SEMA3E: variants seen among roughly 807,000 people sequenced by gnomAD.
The protein encoded by SEMA3E is semaphorin 3E.
A neutral mutation model predicts 93.6 loss-of-function variants in SEMA3E; 49 were observed. That is an observed-to-expected ratio of 0.52 (90% confidence interval 0.42 to 0.66). The LOEUF (loss-of-function observed/expected upper bound fraction) is 0.66. Among genes scored for constraint, SEMA3E ranks in the 30% least tolerant of loss-of-function variants. The probability of loss-of-function intolerance (pLI) is 0.00; values close to 1 mark genes in which losing one functional copy is unlikely to be tolerated. For missense variants in SEMA3E, 906 were observed against 964.8 expected, an observed-to-expected ratio of 0.94 and a Z score of 0.81; for synonymous variants, 363 against 330.7, an observed-to-expected ratio of 1.10 and a Z score of -1.06.
intron 16 of SEMA3E, among the ~76,000 whole-genome samples, chr7:83,375,199 T>C (rs992271886): frequency 1.3e-5 from 2 of 152,018 alleles, no homozygotes; most frequent in Admixed American, 6.6e-5. Context: ...GAAGTAGAAA[T>C]TCAATACTAA....
intron 4 of SEMA3E, among the ~76,000 whole-genome samples, chr7:83,438,584 A>G (rs760770607): frequency 3.9e-5 from 6 of 152,166 alleles, no homozygotes; most frequent in Non-Finnish European, 8.8e-5. Context: ...AGTGATAAGC[A>G]TTTATTCAGT....
chr7:83,464,239 T>G (rs1184293957), intron 4 of SEMA3E, among the ~76,000 whole-genome samples: 1 of 151,506 alleles, frequency 6.6e-6, no homozygotes, highest in Non-Finnish European at 1.5e-5. Context: ...GGACAATACT[T>G]TTACCACTTT....
intron 1 of SEMA3E, among the ~76,000 whole-genome samples, chr7:83,610,687 A>T (rs778217957): frequency 1.3e-5 from 2 of 152,068 alleles, no homozygotes; most frequent in African/African-American, 2.4e-5. Context: ...GGAGATAGAG[A>T]CTTTAAAGAA....
At chr7:83,602,413 G>T (rs547641845) in intron 1 of SEMA3E, among the ~76,000 whole-genome samples, 1 of 151,802 alleles carries the variant, frequency 6.6e-6, no homozygotes, top group East Asian at 1.9e-4. Flanking sequence ...TATCTCCACG[G>T]CCCTCCCCTA....
intron 4 of SEMA3E, among the ~76,000 whole-genome samples, chr7:83,423,139 ATG>A (rs1788702106): frequency 6.6e-6 from 1 of 152,210 alleles, no homozygotes; most frequent in African/African-American, 2.4e-5. Context: ...AAACAATCAA[ATG>A]GCACCCAGAA....
chr7:83,373,777 A>C (rs1794781493), intron 16 of SEMA3E, among the ~76,000 whole-genome samples: 1 of 152,162 alleles, frequency 6.6e-6, no homozygotes, highest in Admixed American at 6.5e-5. Context: ...GAGGCAAAAG[A>C]GTTTTTCAAG....
intron 1 of SEMA3E, among the ~76,000 whole-genome samples, chr7:83,585,468 G>A (rs1025078655): frequency 5.9e-5 from 9 of 152,086 alleles, no homozygotes; most frequent in South Asian, 2.1e-4. Flanking sequence ...ATTGAATGCC[G>A]TTTATGCCAG....
chr7:83,578,305 C>CCA (rs1457336413), intron 1 of SEMA3E, among the ~76,000 whole-genome samples: 1 of 151,918 alleles, frequency 6.6e-6, no homozygotes, highest in African/African-American at 2.4e-5. Context: ...TAGAATCCTC[C>CCA]CAGCACTTTG....
intron 1 of SEMA3E, among the ~76,000 whole-genome samples, chr7:83,589,566 A>G (rs994696223): frequency 6.6e-6 from 1 of 152,206 alleles, no homozygotes; most frequent in Non-Finnish European, 1.5e-5. Flanking sequence ...TAAACCACAT[A>G]TAAAACTTTA....
intron 2 of SEMA3E, among the ~76,000 whole-genome samples, chr7:83,477,224 A>G (rs1022718446): frequency 5.3e-4 from 81 of 152,252 alleles, no homozygotes; most frequent in African/African-American, 1.9e-3. Flanking sequence ...GTCTATCTTC[A>G]TAGAATATAT....
chr7:83,533,576 TAAAATAAAATAAAATAAAATAAATG>T (rs55947085), intron 1 of SEMA3E, among the ~76,000 whole-genome samples: 79,082 of 147,672 alleles, frequency 0.54, 23,215 homozygotes, highest in Middle Eastern at 0.69. Context: ...TAAAATAAAA[TAAAATAAAATAAAATAAAATAAATG>T]AAACAAGCAA....
chr7:83,632,700 T>C (rs2115678730), intron 1 of SEMA3E, among the ~76,000 whole-genome samples: 2 of 152,288 alleles, frequency 1.3e-5, no homozygotes, highest in African/African-American at 4.8e-5. Context: ...TAATATACTA[T>C]CTTTATGTAT....
chr7:83,443,886 G>T (rs1789171151), intron 4 of SEMA3E, among the ~76,000 whole-genome samples: 1 of 148,268 alleles, frequency 6.7e-6, no homozygotes, highest in African/African-American at 2.5e-5. Context: ...ACTAGGTTAA[G>T]TTAAATAACG....
intron 11 of SEMA3E, among the ~76,000 whole-genome samples, chr7:83,399,011 G>A (rs974048359): frequency 6.6e-6 from 1 of 151,726 alleles, no homozygotes; most frequent in African/African-American, 2.4e-5. Context: ...AAAAACAAAG[G>A]GTTTATTGGA....
At chr7:83,590,373 CTG>C (rs2307980) in intron 1 of SEMA3E, among the ~76,000 whole-genome samples, 37,486 of 151,926 alleles carry the variant, frequency 0.25, 4,624 homozygotes, top group Middle Eastern at 0.29. Context: ...CTGGCAAAAT[CTG>C]GAGCGTAAAT....
intron 1 of SEMA3E, among the ~76,000 whole-genome samples, chr7:83,613,541 TA>T (rs1317655509): frequency 2.0e-5 from 3 of 152,032 alleles, no homozygotes; most frequent in Admixed American, 6.6e-5. Flanking sequence ...CCTACTCTAA[TA>T]TAATCTAAAA....
chr7:83,436,252 G>A (rs1045688884), intron 4 of SEMA3E, among the ~76,000 whole-genome samples: 3 of 151,568 alleles, frequency 2.0e-5, no homozygotes, highest in Admixed American at 6.6e-5. Flanking sequence ...AATCTAAAAG[G>A]TCAGGCATAA....
chr7:83,376,323 G>A (rs894520008), intron 16 of SEMA3E, among the ~76,000 whole-genome samples: 2 of 151,864 alleles, frequency 1.3e-5, no homozygotes, highest in African/African-American at 4.8e-5. Flanking sequence ...CAAACAAAAT[G>A]GTAAAATAAA....
intron 1 of SEMA3E, among the ~76,000 whole-genome samples, chr7:83,564,916 T>C (rs1792110508): frequency 6.6e-6 from 1 of 152,114 alleles, no homozygotes; most frequent in African/African-American, 2.4e-5. Flanking sequence ...TGCTGGTTTT[T>C]TGAAAAAATT....
Sources: allele counts gnomAD v4.1 joint callset (sites outside exome capture counted in the v4.1 genomes callset), GRCh38; gene constraint gnomAD v4.1.1; transcripts MANE v1.5; gene names NCBI Gene and HGNC (gene_info 2026-07-23, HGNC 2026-07-21).